Variants in SPTAN1 observed in about 807,000 individuals in gnomAD.
The protein encoded by SPTAN1 is spectrin alpha chain, non-erythrocytic 1.
A neutral mutation model predicts 331.3 loss-of-function variants in SPTAN1; 61 were observed. The observed-to-expected ratio is 0.18, with a 90% CI of 0.15 to 0.23. SPTAN1 has a LOEUF of 0.23. SPTAN1 is among the 10% of genes least tolerant of loss of function. The pLI is 1.00. For missense variants in SPTAN1, 2,043 were observed against 3,147.9 expected, an observed-to-expected ratio of 0.65 and a Z score of 8.40; for synonymous variants, 1,153 against 1,173.9, an observed-to-expected ratio of 0.98 and a Z score of 0.36.
Position 128,626,579 on chromosome 9 carries a change from C to G in SPTAN1, c.6468C>G (p.Ala2156=). 8 of 1,613,964 alleles carry G rather than the reference C, an allele frequency of 5.0e-6. No homozygotes were observed. The highest frequency in any genetic ancestry group is 6.8e-6 in the Non-Finnish European group (8 of 1,179,940). ...SSAQADFNQL[A]ELDRQIKSFR... The stretch of plus-strand genomic sequence containing the variant: ...CCCAGGCTGACTTCAACCAGCTGGC[C>G]GAGCTGGACCGCCAGATCAAGAGCT... Residue 2156 remains alanine, a synonymous_variant, in exon 49 of 57, where the codon GCC becomes GCG. Transcript: ENST00000372739.
chr9:128,606,692 G>A lies in SPTAN1; in HGVS notation c.4047-912G>A, dbSNP rs149764576. Among the ~76,000 whole-genome samples the A allele has an allele frequency of 2.7e-3, 417 of 151,880 alleles. 9 individuals are homozygous for A. The East Asian group carries it at 0.04, about 14-fold the overall frequency. On this transcript the variant is annotated intron_variant, in intron 31 of 56. Transcript: ENST00000372739. ...GTAGAGGCGGGGTTTCTCCATGTTGGTCAGGCTGGTCTCGAACTCCTGACC... is the reference window on the plus strand; with the variant it reads ...GTAGAGGCGGGGTTTCTCCATGTTGATCAGGCTGGTCTCGAACTCCTGACC...
At position 128,627,568 on chromosome 9, in the gene SPTAN1, C is replaced by A; in HGVS notation, c.6689+70C>A. The A allele has an allele frequency of 2.2e-6, 3 of 1,389,764 alleles. No individual in the cohort carries two copies. The highest frequency in any genetic ancestry group is 2.0e-6 in the Non-Finnish European group (2 of 1,000,094). 86.1% of individuals were successfully genotyped at this position (1,389,764 alleles called of 1,614,324 possible). A position where few individuals can be genotyped will look rare whatever the true frequency, so the allele number is the denominator to read the frequency against. On this transcript the variant is annotated intron_variant, in intron 50 of 56. Transcript: ENST00000372739. This position sits in a 1 kb window ranked among gnomAD's most constrained non-coding sequence, Gnocchi z 4.9. ...TACTTAAGCCCTGGGGAGCTTCCAG[C>A]CCCAAGGAGGTGGTGGTGCTTTGTG...
chr9:128,553,570 G>A (rs1848356384), intron 1 of SPTAN1, among the ~76,000 whole-genome samples: 1 of 152,152 alleles, frequency 6.6e-6, no homozygotes, highest in Admixed American at 6.5e-5. Context: ...CTAGAACATC[G>A]CTTTCAAAAG....
intron 2 of SPTAN1, 73 bp downstream of exon 2, chr9:128,567,050 A>C: frequency 6.2e-7 from 1 of 1,600,290 alleles, no homozygotes; most frequent in Non-Finnish European, 8.5e-7. Context: ...TCAGACGAGG[A>C]AAGTTACTTA....
chr9:128,633,032 G>C (rs1486462027), intron 56 of SPTAN1, 77 bp downstream of exon 56: 3 of 1,600,364 alleles, frequency 1.9e-6, no homozygotes, highest in African/African-American at 1.3e-5. Flanking sequence ...CTGAGTCTGG[G>C]GTAACAGGCC....
In SPTAN1 at chr9:128,624,443, T is replaced by G. The variant is rs774541647; in HGVS notation, c.5948T>G (p.Phe1983Cys). The change falls in exon 46 of 57, where the codon TTC becomes TGC. Residue 1983 changes from phenylalanine (F) to cysteine (C), a missense_variant. Around this residue, in one of 12 missense-constraint regions of SPTAN1, gnomAD observed 323 missense variants for 581.1 expected, o/e 0.56. Transcript: ENST00000372739. ...RKAKLDENSA[F>C]LQFNWKADVV... is the part of the protein sequence containing the mutation. ...GCGAAGCTGGATGAGAACTCGGCCT[T>G]CCTTCAGTTCAACTGGAAGGCGGAC... The G allele has an allele frequency of 1.2e-6, 2 of 1,613,916 alleles. No individual in the cohort carries two copies. Among genetic ancestry groups the G allele is most frequent in the Admixed American group, 3.3e-5 (2 of 60,014 alleles).
At chr9:128,596,963 T>A (rs1311381048) in intron 24 of SPTAN1, among the ~76,000 whole-genome samples, 2 of 152,144 alleles carry the variant, frequency 1.3e-5, no homozygotes, top group Non-Finnish European at 2.9e-5. Flanking sequence ...AGTTCGAGAC[T>A]AGCCTGGCCA....
At chr9:128,580,855 G>T in intron 10 of SPTAN1, 67 bp from the exon 11 acceptor site, 1 of 1,607,244 alleles carries the variant, frequency 6.2e-7, no homozygotes. Context: ...CAGGATAGCT[G>T]TTCTGTCTGC....
chr9:128,615,547 T>C (rs1266605772), intron 40 of SPTAN1, 85 bp from the exon 41 acceptor site: 5 of 1,417,822 alleles, frequency 3.5e-6, no homozygotes, highest in Non-Finnish European at 5.0e-6. Context: ...ACTCCACATC[T>C]CAGTAAGGAA....
At chr9:128,620,078 A>C (rs1038644811) in intron 44 of SPTAN1, among the ~76,000 whole-genome samples, 1 of 152,220 alleles carries the variant, frequency 6.6e-6, no homozygotes, top group Non-Finnish European at 1.5e-5. Context: ...AGGAGCTGCA[A>C]GATGTCTGCG....
intron 56 of SPTAN1, 72 bp from the exon 57 acceptor site, chr9:128,633,137 T>C (rs1860089469): frequency 6.2e-7 from 1 of 1,610,248 alleles, no homozygotes; most frequent in African/African-American, 1.3e-5. Flanking sequence ...CCCAGCATCC[T>C]GAGACCTGGG....
At chr9:128,558,537 G>A (rs561598177) in intron 1 of SPTAN1, among the ~76,000 whole-genome samples, 3 of 152,176 alleles carry the variant, frequency 2.0e-5, no homozygotes, top group East Asian at 1.9e-4. Flanking sequence ...CTAGGAAGTC[G>A]TCTCTGTTGT....
At chr9:128,591,361 C>T (rs1409149322) in intron 21 of SPTAN1, 116 bp from the exon 22 acceptor site, 11 of 1,373,780 alleles carry the variant, frequency 8.0e-6, no homozygotes, top group Admixed American at 1.7e-5. Context: ...CCACTGTGGC[C>T]GGCCGTTTTG....
At position 128,584,441 on chromosome 9, in the gene SPTAN1, C is replaced by T. The variant is rs1253697977; in HGVS notation, c.2353C>T (p.Arg785Trp). ...GAAGCAGAAGCTGGCCGATTCTCTG[C>T]GGTTGCAGCAGCTCTTCCGGGATGT... ...ARKQKLADSL[R>W]LQQLFRDVED... The change falls in exon 17 of 57, where the codon CGG becomes TGG. Residue 785 changes from arginine to tryptophan, a missense_variant. By Grantham distance (101) the Arg-to-Trp change is moderately radical (BLOSUM62 -3). Around this residue, in one of 12 missense-constraint regions of SPTAN1, gnomAD observed 1,038 missense variants for 1,531.5 expected, o/e 0.68. Transcript: ENST00000372739. 9 of 1,614,162 alleles carry T rather than the reference C, an allele frequency of 5.6e-6. No individual in the cohort carries two copies. The highest frequency in any genetic ancestry group is 4.5e-5 in the East Asian group (2 of 44,872).
chr9:128,613,451 A>G lies in SPTAN1; in HGVS notation c.5114A>G (p.His1705Arg), dbSNP rs766187559. The change falls in exon 40 of 57, where the codon CAT becomes CGT. Residue 1705 changes from histidine (H) to arginine (R), a missense_variant. His to Arg is a conservative substitution (Grantham distance 29, BLOSUM62 0). Around this residue, in one of 12 missense-constraint regions of SPTAN1, gnomAD observed 323 missense variants for 581.1 expected, o/e 0.56. Coordinates refer to ENST00000372739, the MANE Select transcript of SPTAN1 (RefSeq NM_001130438.3). The stretch of plus-strand genomic sequence containing the variant: ...TCTGTGAACAACCTGCTGAAAAAGC[A>G]TCAACTGCTGGAAGCAGATATATCT... ...LASVNNLLKKHQLLEADISAH... is the reference protein window; with the variant it reads ...LASVNNLLKKRQLLEADISAH... The G allele has an allele frequency of 6.2e-7, 1 of 1,614,272 alleles. No individual in the cohort carries two copies. Among genetic ancestry groups the G allele is most frequent in the Non-Finnish European group, 8.5e-7 (1 of 1,180,050 alleles).
At chr9:128,622,118 T>C (rs889295380) in intron 45 of SPTAN1, 2 of 152,398 alleles carry the variant, frequency 1.3e-5, no homozygotes, top group Admixed American at 1.3e-4. Context: ...TCTTCCTTGC[T>C]CTGATCTGCA....
intron 45 of SPTAN1, among the ~76,000 whole-genome samples, chr9:128,622,508 A>C (rs996597046): frequency 2.6e-5 from 4 of 151,864 alleles, no homozygotes; most frequent in African/African-American, 9.7e-5. Flanking sequence ...CATGTTGGTC[A>C]GGCTGGTCTC....
chr9:128,560,817 G>A (rs1211814845), intron 1 of SPTAN1, among the ~76,000 whole-genome samples: 1 of 148,728 alleles, frequency 6.7e-6, no homozygotes, highest in African/African-American at 2.5e-5. Flanking sequence ...GTCAGTTCGA[G>A]ACCAGTCTGG....
chr9:128,633,597 C>T lies in SPTAN1; in HGVS notation c.*263C>T. The T allele has an allele frequency of 2.6e-6, 3 of 1,140,974 alleles. No homozygotes were observed. The highest frequency in any genetic ancestry group is 3.8e-6 in the Non-Finnish European group (3 of 797,966). 70.7% of individuals were successfully genotyped at this position (1,140,974 alleles called of 1,614,324 possible). ...GAAGCAGCTGGCTCCTCCCCTTGTT[C>T]TCTCTCCCACCCTCCCCCAAATCTG... On this transcript the variant is annotated 3_prime_UTR_variant, in exon 57 of 57. Transcript: ENST00000372739.
Sources: gnomAD v4.1 joint callset for allele counts (sites outside exome capture counted in the v4.1 genomes callset) on GRCh38, gnomAD v4.1.1 for gene constraint, gnomAD v4.1.1 regional missense constraint, Gnocchi (gnomAD v3.1) non-coding constraint, MANE v1.5 for transcripts, NCBI Gene and HGNC (gene_info 2026-07-23, HGNC 2026-07-21) for gene names.